The following SPAG16 variants were observed in gnomAD, a reference collection of about 807,000 sequenced individuals.
SPAG16 encodes sperm-associated antigen 16 protein.
SPAG16 carries 86 observed loss-of-function variants against 80.4 expected under a neutral mutation model. The observed-to-expected ratio is 1.07, with a 90% CI of 0.90 to 1.28. SPAG16 has a LOEUF of 1.28. SPAG16 is among the 50% of genes most tolerant of loss of function. The pLI is 0.00. For missense variants in SPAG16, 870 were observed against 765.3 expected, an observed-to-expected ratio of 1.14 and a Z score of -1.61; for synonymous variants, 294 against 265.9, an observed-to-expected ratio of 1.11 and a Z score of -1.03.
chr2:213,425,174 T>G (rs2069833175), intron 9 of SPAG16, among the ~76,000 whole-genome samples: 1 of 150,304 alleles, frequency 6.7e-6, no homozygotes, highest in Non-Finnish European at 1.5e-5. Flanking sequence ...ATACAAAAAA[T>G]TAGCCAGGCA....
chr2:213,338,303 G>A (rs570987205), intron 5 of SPAG16, among the ~76,000 whole-genome samples: 16 of 152,108 alleles, frequency 1.1e-4, no homozygotes, highest in Non-Finnish European at 2.1e-4. Flanking sequence ...AGGCAACTAC[G>A]CAAACAAGTC....
intron 11 of SPAG16, among the ~76,000 whole-genome samples, chr2:213,881,975 T>C (rs533324457): frequency 6.6e-6 from 1 of 152,362 alleles, no homozygotes; most frequent in African/African-American, 2.4e-5. Context: ...TGGTTCATCA[T>C]AGATGATTCA....
intron 6 of SPAG16, among the ~76,000 whole-genome samples, chr2:213,342,073 A>G (rs1282231069): frequency 6.6e-6 from 1 of 152,048 alleles, no homozygotes; most frequent in African/African-American, 2.4e-5. Context: ...TAGTCAAGCC[A>G]TATCTCATGA....
At chr2:214,271,218 T>C (rs924969665) in intron 15 of SPAG16, among the ~76,000 whole-genome samples, 4 of 152,170 alleles carry the variant, frequency 2.6e-5, no homozygotes, top group Admixed American at 6.5e-5. Flanking sequence ...CTATAGGACA[T>C]AGGAAATTAG....
chr2:213,421,556 G>T lies in SPAG16; in HGVS notation c.942+46437G>T, dbSNP rs56373102. Among the ~76,000 whole-genome samples the T allele has an allele frequency of 2.6e-5, 4 of 152,240 alleles. No individual in the cohort carries two copies. The East Asian group carries it at 7.7e-4, about 29-fold the overall frequency. ...AAGCCAGGCATGGCCTAAAGCCTGGGGGCCAGGCTCCCAATTCCCAGTGGA... is the reference window on the plus strand; with the variant it reads ...AAGCCAGGCATGGCCTAAAGCCTGGTGGCCAGGCTCCCAATTCCCAGTGGA... On this transcript the variant is annotated intron_variant, in intron 9 of 15. Coordinates refer to ENST00000331683, the MANE Select transcript of SPAG16 (RefSeq NM_024532.5).
chr2:213,543,804 T>A (rs1277933370), intron 10 of SPAG16, among the ~76,000 whole-genome samples: 3 of 152,090 alleles, frequency 2.0e-5, no homozygotes. Context: ...CAGATACACC[T>A]TGATTAATCA....
intron 10 of SPAG16, among the ~76,000 whole-genome samples, chr2:213,735,500 C>G (rs60401743): frequency 6.6e-6 from 1 of 152,100 alleles, no homozygotes; most frequent in African/African-American, 2.4e-5. Context: ...TTCCACCATG[C>G]GATTCATCAA....
At chr2:213,329,382 C>T (rs928471650) in intron 5 of SPAG16, among the ~76,000 whole-genome samples, 2 of 152,154 alleles carry the variant, frequency 1.3e-5, no homozygotes, top group African/African-American at 4.8e-5. Flanking sequence ...GAGATGATCT[C>T]AGATGGAGAT....
chr2:214,196,893 T>A (rs1454273022), intron 15 of SPAG16, among the ~76,000 whole-genome samples: 5 of 152,048 alleles, frequency 3.3e-5, no homozygotes, highest in Admixed American at 6.6e-5. Context: ...TTATATTCGG[T>A]TGAAAAATGA....
chr2:213,751,345 C>A (rs770759973), intron 10 of SPAG16, among the ~76,000 whole-genome samples: 50 of 152,128 alleles, frequency 3.3e-4, no homozygotes, highest in Non-Finnish European at 1.6e-4. Flanking sequence ...CAACATACCC[C>A]ACAGCTGCTA....
intron 13 of SPAG16, among the ~76,000 whole-genome samples, chr2:214,037,719 T>C (rs1221032957): frequency 1.3e-5 from 2 of 152,200 alleles, no homozygotes; most frequent in Non-Finnish European, 2.9e-5. Flanking sequence ...TAGATATTGA[T>C]AGTTGTCATG....
chr2:213,448,225 T>G (rs1286033572), intron 9 of SPAG16, among the ~76,000 whole-genome samples: 1 of 152,270 alleles, frequency 6.6e-6, no homozygotes, highest in East Asian at 1.9e-4. Flanking sequence ...GGAATACTTC[T>G]GATTTCTCTA....
chr2:213,529,436 G>A (rs2075995734), intron 10 of SPAG16, among the ~76,000 whole-genome samples: 1 of 152,112 alleles, frequency 6.6e-6, no homozygotes, highest in Non-Finnish European at 1.5e-5. Flanking sequence ...GTGAACAATG[G>A]GCTCTCCTTG....
chr2:214,374,027 G>C (rs894900446), intron 15 of SPAG16, among the ~76,000 whole-genome samples: 1 of 152,186 alleles, frequency 6.6e-6, no homozygotes, highest in Admixed American at 6.5e-5. Context: ...TTAGAATATA[G>C]TAGGATCTAA....
intron 10 of SPAG16, among the ~76,000 whole-genome samples, chr2:213,767,377 G>A (rs2068991014): frequency 6.6e-6 from 1 of 152,086 alleles, no homozygotes; most frequent in Admixed American, 6.6e-5. Context: ...ATATTAGAAA[G>A]TAAATTAAGG....
chr2:214,204,657 T>A (rs2058094705), intron 15 of SPAG16, among the ~76,000 whole-genome samples: 1 of 152,218 alleles, frequency 6.6e-6, no homozygotes, highest in African/African-American at 2.4e-5. Flanking sequence ...AGCACCCTCT[T>A]GGACAAAAGA....
At chr2:213,653,642 C>T (rs2063105654) in intron 10 of SPAG16, among the ~76,000 whole-genome samples, 1 of 152,102 alleles carries the variant, frequency 6.6e-6, no homozygotes, top group Admixed American at 6.5e-5. Flanking sequence ...TGTATAGTGG[C>T]AAATTGTAAG....
intron 10 of SPAG16, among the ~76,000 whole-genome samples, chr2:213,644,605 C>T (rs2062749956): frequency 6.6e-6 from 1 of 152,192 alleles, no homozygotes; most frequent in Non-Finnish European, 1.5e-5. Flanking sequence ...GCAGAGGCAC[C>T]TCCTTCACAG....
chr2:213,522,487 G>A (rs972716113), intron 10 of SPAG16, among the ~76,000 whole-genome samples: 1 of 152,148 alleles, frequency 6.6e-6, no homozygotes, highest in East Asian at 1.9e-4. Context: ...ATCCAGTGGG[G>A]TTATGCCCCA....
Sources: gnomAD v4.1 joint callset for allele counts (sites outside exome capture counted in the v4.1 genomes callset) on GRCh38, gnomAD v4.1.1 for gene constraint, MANE v1.5 for transcripts, NCBI Gene and HGNC (gene_info 2026-07-23, HGNC 2026-07-21) for gene names.